The following SHOC2 variants were observed in gnomAD, a reference collection of about 807,000 sequenced individuals.
The protein encoded by SHOC2 is SHOC2 leucine rich repeat scaffold protein, also known as leucine-rich repeat protein SHOC-2.
In SHOC2, 4 loss-of-function variants were observed where a neutral mutation model predicts 50.2. The observed-to-expected ratio is 0.08, with a 90% confidence interval of 0.04 to 0.18. The LOEUF (loss-of-function observed/expected upper bound fraction) is 0.18, where lower values mean the gene tolerates loss of function less well. Among genes scored for constraint, SHOC2 ranks in the 10% least tolerant of loss-of-function variants. The pLI is 1.00. For synonymous variants in SHOC2, 218 were observed against 244.5 expected, an observed-to-expected ratio of 0.89 and a Z score of 1.01; for missense variants, 388 against 669.6, an observed-to-expected ratio of 0.58 and a Z score of 4.64.
chr10:110,925,825 C>T (rs1846760398), intron 1 of SHOC2, among the ~76,000 whole-genome samples: 1 of 152,200 alleles, frequency 6.6e-6, no homozygotes, highest in African/African-American at 2.4e-5. Flanking sequence ...ATATCCCAAA[C>T]TCCATTCCCT....
At chr10:110,934,521 G>A (rs1846965139) in intron 1 of SHOC2, among the ~76,000 whole-genome samples, 1 of 151,970 alleles carries the variant, frequency 6.6e-6, no homozygotes, top group South Asian at 2.1e-4. Context: ...GTACAACATT[G>A]CATAGTACCA....
intron 2 of SHOC2, among the ~76,000 whole-genome samples, chr10:110,979,027 T>C (rs2134139600): frequency 6.6e-6 from 1 of 152,360 alleles, no homozygotes; most frequent in South Asian, 2.1e-4. Flanking sequence ...TCTTATAGTT[T>C]CTTTGTTTTG....
intron 4 of SHOC2, among the ~76,000 whole-genome samples, chr10:111,002,751 A>G (rs1848401417): frequency 6.7e-6 from 1 of 150,034 alleles, no homozygotes; most frequent in African/African-American, 2.5e-5. Context: ...AAGGTGTAAA[A>G]TAGAAGCCTA....
rs200015085 is a variant in SHOC2 at position 110,964,968 on chromosome 10, A to G, written c.610A>G (p.Ile204Val). The G allele has an allele frequency of 7.4e-5, 120 of 1,613,714 alleles. No individual in the cohort carries two copies. Among genetic ancestry groups the G allele is most frequent in the Middle Eastern group, 1.6e-4 (1 of 6,062 alleles). The change falls in exon 2 of 9, where the codon ATA becomes GTA. Residue 204 changes from isoleucine to valine, a missense_variant. By Grantham distance (29) the Ile-to-Val change is conservative. Transcript: ENST00000369452. The surrounding 1 kb of genome is among the most constrained non-coding windows in gnomAD (Gnocchi z 4.9). ...CACTCTTTACCTTCGCTTTAATCGT[A>G]TAACTACTGTGGAAAAGGACATCAA... Reference protein sequence around the residue: ...LTTLYLRFNRITTVEKDIKNL... With the variant: ...LTTLYLRFNRVTTVEKDIKNL...
intron 2 of SHOC2, among the ~76,000 whole-genome samples, chr10:110,971,524 G>C (rs1847782451): frequency 6.6e-6 from 1 of 151,798 alleles, no homozygotes; most frequent in South Asian, 2.1e-4. Context: ...GTATTGCTTT[G>C]GCTATTTAGA....
intron 1 of SHOC2, among the ~76,000 whole-genome samples, chr10:110,963,389 G>C (rs1160509522): frequency 6.6e-6 from 1 of 152,134 alleles, no homozygotes; most frequent in Non-Finnish European, 1.5e-5. Flanking sequence ...GTTTTCAAAG[G>C]TGATCCTCAG....
chr10:110,919,885 G>C, intron 1 of SHOC2: 1 of 347,390 alleles, frequency 2.9e-6, no homozygotes, highest in Non-Finnish European at 5.2e-6. Flanking sequence ...CCTTGGAGCC[G>C]GCTCGCGTGG....
intron 1 of SHOC2, among the ~76,000 whole-genome samples, chr10:110,927,329 T>C (rs1264209030): frequency 6.6e-6 from 1 of 152,202 alleles, no homozygotes; most frequent in Non-Finnish European, 1.5e-5. Context: ...ATTTTAATAT[T>C]GTGATCTCTT....
intron 1 of SHOC2, among the ~76,000 whole-genome samples, chr10:110,961,172 T>C (rs1847565044): frequency 6.6e-6 from 1 of 152,184 alleles, no homozygotes; most frequent in African/African-American, 2.4e-5. Flanking sequence ...CTTTTATCAC[T>C]AGATTTCAAG....
At chr10:111,008,849 AAG>A (rs967395166) in intron 6 of SHOC2, among the ~76,000 whole-genome samples, 8 of 152,130 alleles carry the variant, frequency 5.3e-5, no homozygotes, top group Non-Finnish European at 1.0e-4. Flanking sequence ...TCAGTGTAAT[AAG>A]AACACCACAG....
At chr10:110,930,727 G>A (rs536273283) in intron 1 of SHOC2, among the ~76,000 whole-genome samples, 1 of 57,314 alleles carries the variant, frequency 1.7e-5, no homozygotes, top group South Asian at 7.9e-4. Context: ...AAATATTCAC[G>A]AGTAAATCTT....
chr10:110,997,935 A>G (rs1331729394), intron 3 of SHOC2, among the ~76,000 whole-genome samples: 1 of 150,628 alleles, frequency 6.6e-6, no homozygotes, highest in Non-Finnish European at 1.5e-5. Context: ...TAATTAACAT[A>G]TTTTGTCATA....
intron 2 of SHOC2, among the ~76,000 whole-genome samples, chr10:110,981,673 A>G (rs1354915747): frequency 6.6e-6 from 1 of 152,158 alleles, no homozygotes; most frequent in Non-Finnish European, 1.5e-5. Flanking sequence ...GAATTTGTTA[A>G]AAGTTTTCCT....
intron 2 of SHOC2, among the ~76,000 whole-genome samples, chr10:110,970,092 A>T (rs1847750668): frequency 6.6e-6 from 1 of 152,158 alleles, no homozygotes; most frequent in Admixed American, 6.6e-5. Context: ...ATTGTTTGCT[A>T]AAGTCACCCA....
intron 2 of SHOC2, among the ~76,000 whole-genome samples, chr10:110,984,439 C>T (rs1189625274): frequency 6.6e-6 from 1 of 152,092 alleles, no homozygotes; most frequent in Non-Finnish European, 1.5e-5. Flanking sequence ...TATATTTTCT[C>T]CCACTATATA....
At position 111,003,847 on chromosome 10, in the gene SHOC2, C is replaced by T. The variant is rs558926471; in HGVS notation, c.973-759C>T. On this transcript the variant is annotated intron_variant, in intron 4 of 8. Transcript: ENST00000369452. ...TATATAATTGATTATTGATTATATA[C>T]GGTCGTATATTATTTTCTAATTATT... 3.9e-5 allele frequency among the ~76,000 whole-genome samples: 6 copies of T among 152,222 alleles called. No homozygotes were observed. The South Asian group carries it at 8.3e-4, about 21-fold the overall frequency.
chr10:110,989,979 GAAC>G (rs1848150658), intron 3 of SHOC2, among the ~76,000 whole-genome samples: 1 of 152,088 alleles, frequency 6.6e-6, no homozygotes, highest in South Asian at 2.1e-4. Flanking sequence ...TGGTTAGTAT[GAAC>G]AACAAACTAA....
At chr10:110,955,648 CA>C (rs1436314460) in intron 1 of SHOC2, among the ~76,000 whole-genome samples, 3 of 152,244 alleles carry the variant, frequency 2.0e-5, no homozygotes, top group Non-Finnish European at 1.5e-5. Flanking sequence ...AAGGGAACTT[CA>C]GGGGGAAAAT....
At chr10:110,981,587 T>C (rs1006062965) in intron 2 of SHOC2, among the ~76,000 whole-genome samples, 4 of 152,232 alleles carry the variant, frequency 2.6e-5, no homozygotes, top group Non-Finnish European at 5.9e-5. Context: ...TAAGTTTTTA[T>C]AGAAGATTTT....
Sources: gnomAD v4.1 joint callset for allele counts (sites outside exome capture counted in the v4.1 genomes callset) on GRCh38, gnomAD v4.1.1 for gene constraint, Gnocchi (gnomAD v3.1) non-coding constraint, MANE v1.5 for transcripts, NCBI Gene and HGNC (gene_info 2026-07-23, HGNC 2026-07-21) for gene names.